AOPEP: variants seen among roughly 807,000 people sequenced by gnomAD.
AOPEP encodes the protein aminopeptidase O (putative), also known as aminopeptidase O.
AOPEP carries 77 observed loss-of-function variants against 98.1 expected under a neutral mutation model. That is an observed-to-expected ratio of 0.78 (90% CI 0.65 to 0.95). The LOEUF is 0.95. AOPEP is among the 40% of genes least tolerant of loss of function. AOPEP has a pLI of 0.00. For missense variants in AOPEP, 1,024 were observed against 1,024.7 expected, an observed-to-expected ratio of 1.00 and a Z score of 0.01; for synonymous variants, 346 against 365.3, an observed-to-expected ratio of 0.95 and a Z score of 0.60.
At chr9:94,785,971 A>G (rs1372812580) in intron 3 of AOPEP, among the ~76,000 whole-genome samples, 1 of 152,174 alleles carries the variant, frequency 6.6e-6, no homozygotes, top group Non-Finnish European at 1.5e-5. Context: ...TTTTAATGCC[A>G]TTCAACCTTG....
chr9:94,760,483 GC>G lies in AOPEP; in HGVS notation c.701del (p.Ala234ValfsTer43). ...GAGCTTGCAGATAAGGAAGACAGGG[GC>G]TCAGACAGCTACTGACTTTCCTCAT... ...TWSLQIRKTG[A>X]QTATDFPHAI... On this transcript the variant is annotated frameshift_variant, in exon 2 of 17. Coordinates refer to ENST00000375315, the MANE Select transcript of AOPEP (RefSeq NM_001193329.3). LOFTEE classifies it high-confidence loss of function. The G allele has an allele frequency of 6.2e-7, 1 of 1,612,388 alleles. No homozygotes were observed. Among genetic ancestry groups the G allele is most frequent in the Non-Finnish European group, 8.5e-7 (1 of 1,179,464 alleles).
At chr9:94,732,419 A>G (rs1830766069) in intron 1 of AOPEP, among the ~76,000 whole-genome samples, 1 of 152,184 alleles carries the variant, frequency 6.6e-6, no homozygotes, top group Non-Finnish European at 1.5e-5. Flanking sequence ...ACTGAAAAAC[A>G]GTAAGTAGGT....
intron 3 of AOPEP, among the ~76,000 whole-genome samples, chr9:94,774,722 G>GA (rs1365315322): frequency 2.0e-5 from 3 of 152,120 alleles, no homozygotes; most frequent in East Asian, 3.9e-4. Flanking sequence ...TATAAAATTA[G>GA]AATTACTGAG....
chr9:94,884,444 A>T (rs1239304882), intron 5 of AOPEP, among the ~76,000 whole-genome samples: 5 of 152,192 alleles, frequency 3.3e-5, no homozygotes, highest in African/African-American at 1.2e-4. Flanking sequence ...AATAGACATT[A>T]AGGCTAACTT....
chr9:94,755,598 C>T (rs1836841801), intron 1 of AOPEP, among the ~76,000 whole-genome samples: 1 of 152,090 alleles, frequency 6.6e-6, no homozygotes, highest in Non-Finnish European at 1.5e-5. Flanking sequence ...AAAGCTATTA[C>T]AATAAGAATT....
intron 5 of AOPEP, among the ~76,000 whole-genome samples, chr9:94,845,533 G>T (rs187190783): frequency 1.3e-5 from 2 of 152,312 alleles, no homozygotes; most frequent in Admixed American, 1.3e-4. Context: ...CAGGAAAGGG[G>T]CAGGGAAGAG....
chr9:95,023,453 C>T (rs1037984548), intron 13 of AOPEP, among the ~76,000 whole-genome samples: 1 of 152,258 alleles, frequency 6.6e-6, no homozygotes, highest in African/African-American at 2.4e-5. Context: ...GGAAGCTGCC[C>T]CATGGGGCCA....
the AOPEP span, chr9:95,117,483 A>ACCCACC: frequency 2.2e-6 from 2 of 907,842 alleles, no homozygotes; most frequent in South Asian, 2.8e-5. Flanking sequence ...CCCAAAAAAG[A>ACCCACC]CCCACCAGTA....
At chr9:94,765,213 T>C (rs1397314953) in intron 2 of AOPEP, among the ~76,000 whole-genome samples, 3 of 151,646 alleles carry the variant, frequency 2.0e-5, no homozygotes, top group African/African-American at 7.3e-5. Context: ...TCCTCCCACC[T>C]CAGCCTCCCA....
chr9:95,092,776 A>T, the AOPEP span, among the ~76,000 whole-genome samples: 1 of 152,156 alleles, frequency 6.6e-6, no homozygotes, highest in Non-Finnish European at 1.5e-5. Context: ...CTCCCTTGCC[A>T]CAACGAGGTC....
chr9:94,826,805 AGTG>A (rs893463527), intron 5 of AOPEP, among the ~76,000 whole-genome samples: 6 of 152,050 alleles, frequency 3.9e-5, no homozygotes, highest in Non-Finnish European at 8.8e-5. Context: ...CCACAAGGGT[AGTG>A]GTGGCAGTAC....
chr9:94,874,527 A>G (rs1365677968), intron 5 of AOPEP, among the ~76,000 whole-genome samples: 1 of 152,202 alleles, frequency 6.6e-6, no homozygotes. Flanking sequence ...TTCTGCTTCC[A>G]TTTGGTTTCA....
the AOPEP span, among the ~76,000 whole-genome samples, chr9:95,143,724 C>T: frequency 6.6e-6 from 1 of 152,176 alleles, no homozygotes; most frequent in Non-Finnish European, 1.5e-5. Context: ...ATTCGGATGA[C>T]CTCAGAGGAC....
the AOPEP span, chr9:95,106,928 A>G: frequency 1.2e-6 from 1 of 841,346 alleles, no homozygotes; most frequent in Non-Finnish European, 1.9e-6. Context: ...CCCAGCTGTC[A>G]ACCTCCTTGA....
At chr9:95,150,144 CAT>C in the AOPEP span, 2 of 1,591,668 alleles carry the variant, frequency 1.3e-6, no homozygotes, top group African/African-American at 2.7e-5. Context: ...TAATTAAGGA[CAT>C]ATAAAAACCT....
At position 95,049,016 on chromosome 9, in the gene AOPEP, T is replaced by G. The variant is rs984061337; in HGVS notation, c.2116-11678T>G. 35 of 152,234 alleles carry G rather than the reference T, an allele frequency of 2.3e-4. 1 individual carries two copies. The highest frequency in any genetic ancestry group is 4.4e-5 in the Non-Finnish European group (3 of 68,044). The allele number at this position is 152,234 out of a possible 1,614,324, so 9.4% of individuals were successfully genotyped here. Reference sequence around the variant, plus strand: ...GGAGAAGCCTGCTCTAGACTCCGGCTCCAGGGGAGAGGGCTGGGCTCCACA... The same window carrying G: ...GGAGAAGCCTGCTCTAGACTCCGGCGCCAGGGGAGAGGGCTGGGCTCCACA... On this transcript the variant is annotated intron_variant, in intron 13 of 16. Transcript: ENST00000375315.
At chr9:95,122,485 C>T in the AOPEP span, among the ~76,000 whole-genome samples, 3 of 152,270 alleles carry the variant, frequency 2.0e-5, no homozygotes, top group South Asian at 6.2e-4. Flanking sequence ...AGCAAAGAGA[C>T]TTTCCTTTCC....
chr9:95,019,348 C>A (rs540968238), intron 13 of AOPEP: 35 of 152,326 alleles, frequency 2.3e-4, no homozygotes, highest in African/African-American at 7.5e-4. Flanking sequence ...GGTGGTCAGG[C>A]TGTTGATGAG....
intron 5 of AOPEP, among the ~76,000 whole-genome samples, chr9:94,906,989 C>T (rs1458586368): frequency 6.6e-6 from 1 of 152,126 alleles, no homozygotes; most frequent in Non-Finnish European, 1.5e-5. Flanking sequence ...GAGAGGTGGG[C>T]CCGAGTTTTG....
Sources: gnomAD v4.1 joint callset for allele counts (sites outside exome capture counted in the v4.1 genomes callset) on GRCh38, gnomAD v4.1.1 for gene constraint, MANE v1.5 for transcripts, NCBI Gene and HGNC (gene_info 2026-07-23, HGNC 2026-07-21) for gene names.